The following DMXL1 variants were observed in gnomAD, a reference collection of about 807,000 sequenced individuals.
DMXL1 encodes dmX-like protein 1.
A neutral mutation model predicts 319.2 loss-of-function variants in DMXL1; 99 were observed. That is an observed-to-expected ratio of 0.31 (90% confidence interval 0.26 to 0.37). DMXL1 has a LOEUF of 0.37. Ranked by LOEUF, DMXL1 falls within the 10% of genes least tolerant of loss-of-function variation. The probability of loss-of-function intolerance (pLI) is 1.00; values close to 1 mark genes in which losing one functional copy is unlikely to be tolerated. For missense variants in DMXL1, 3,745 were observed against 3,595.6 expected, an observed-to-expected ratio of 1.04 and a Z score of -1.06; for synonymous variants, 1,385 against 1,235.2, an observed-to-expected ratio of 1.12 and a Z score of -2.54.
chr5:119,090,058 T>A (rs1754407429), intron 1 of DMXL1, among the ~76,000 whole-genome samples: 1 of 130,708 alleles, frequency 7.7e-6, no homozygotes, highest in African/African-American at 2.7e-5. Context: ...TTCGCTCTTG[T>A]CGCCCATGCT....
chr5:119,210,251 A>G (rs1019799848), intron 34 of DMXL1, among the ~76,000 whole-genome samples: 30 of 152,166 alleles, frequency 2.0e-4, no homozygotes, highest in Admixed American at 1.4e-3. Flanking sequence ...GCAGCCGGCC[A>G]CAAGTTCTTT....
At chr5:119,075,921 AAAG>A (rs1448827528) in intron 1 of DMXL1, among the ~76,000 whole-genome samples, 1 of 152,216 alleles carries the variant, frequency 6.6e-6, no homozygotes, top group African/African-American at 2.4e-5. Flanking sequence ...AACAAGTTAA[AAAG>A]AAGACTAGTT....
At chr5:119,095,464 T>C (rs1031855995) in intron 1 of DMXL1, among the ~76,000 whole-genome samples, 4 of 152,216 alleles carry the variant, frequency 2.6e-5, no homozygotes, top group African/African-American at 9.6e-5. Context: ...AGACTTGATG[T>C]GGGAAAATTT....
intron 6 of DMXL1, among the ~76,000 whole-genome samples, chr5:119,114,794 A>T (rs754637244): frequency 6.6e-6 from 1 of 152,022 alleles, no homozygotes; most frequent in East Asian, 1.9e-4. Flanking sequence ...TCAGCCTCTC[A>T]AGTAGCTGGG....
At position 119,204,692 on chromosome 5, in the gene DMXL1, TGTA is replaced by T. The variant is rs1016423474; in HGVS notation, c.7863+1259_7863+1261del. Reference sequence around the variant, plus strand: ...GTGAACTGAACAGTAGATGCAGTGATGTAGTCAATTCTTTTTGTCTCCTGGACT... The same window carrying T: ...GTGAACTGAACAGTAGATGCAGTGATGTCAATTCTTTTTGTCTCCTGGACT... On this transcript the variant is annotated intron_variant, in intron 33 of 43. Transcript: ENST00000539542. Among the ~76,000 whole-genome samples the T allele has an allele frequency of 9.1e-4, 139 of 152,284 alleles. 2 individuals are homozygous for T. Among genetic ancestry groups the T allele is most frequent in the Admixed American group, 8.9e-3 (136 of 15,292 alleles).
chr5:119,148,555 C>T (rs866298885), intron 17 of DMXL1, among the ~76,000 whole-genome samples, 184 bp from the exon 18 acceptor site: 29 of 151,944 alleles, frequency 1.9e-4, no homozygotes, highest in Middle Eastern at 3.4e-3. Context: ...TTCTTGCTGC[C>T]CCTTTTTAAC....
intron 28 of DMXL1, among the ~76,000 whole-genome samples, chr5:119,182,600 G>T (rs764211525): frequency 6.6e-6 from 1 of 151,616 alleles, no homozygotes; most frequent in Non-Finnish European, 1.5e-5. Context: ...ATGTATTCTT[G>T]TAGTAACATA....
chr5:119,184,488 T>C (rs1299155462), intron 28 of DMXL1, among the ~76,000 whole-genome samples: 1 of 152,236 alleles, frequency 6.6e-6, no homozygotes, highest in Non-Finnish European at 1.5e-5. Context: ...TTTTCCATTA[T>C]AGTTTTTTTA....
chr5:119,082,936 C>T (rs1752559346), intron 1 of DMXL1, among the ~76,000 whole-genome samples: 2 of 152,322 alleles, frequency 1.3e-5, no homozygotes, highest in South Asian at 4.1e-4. Context: ...GTAGCTCCCA[C>T]ATATGAATGA....
intron 8 of DMXL1, among the ~76,000 whole-genome samples, chr5:119,119,930 G>C (rs1761676182): frequency 6.6e-6 from 1 of 151,886 alleles, no homozygotes; most frequent in Non-Finnish European, 1.5e-5. Flanking sequence ...ACCCAGGATG[G>C]AGTGTAGTGG....
intron 28 of DMXL1, among the ~76,000 whole-genome samples, chr5:119,183,756 G>T (rs980418347): frequency 6.6e-6 from 1 of 152,100 alleles, no homozygotes; most frequent in Non-Finnish European, 1.5e-5. Context: ...ACCACGCCTG[G>T]CCAGGAGTAC....
At chr5:119,142,359 T>C (rs1767571590) in intron 13 of DMXL1, among the ~76,000 whole-genome samples, 1 of 151,806 alleles carries the variant, frequency 6.6e-6, no homozygotes, top group Admixed American at 6.6e-5. Flanking sequence ...AACAGCTCCA[T>C]CAAAAAGTGA....
intron 31 of DMXL1, 143 bp downstream of exon 31, chr5:119,196,599 C>G (rs1779685519): frequency 1.6e-6 from 1 of 621,742 alleles, no homozygotes; most frequent in East Asian, 2.8e-5. Flanking sequence ...TTTAACTAAA[C>G]CAACCATCTG....
chr5:119,220,630 A>C, intron 36 of DMXL1, 37 bp downstream of exon 36: 1 of 1,599,344 alleles, frequency 6.3e-7, no homozygotes, highest in East Asian at 2.2e-5. Flanking sequence ...GTAATGTTGC[A>C]ATATGAGTGA....
intron 34 of DMXL1, among the ~76,000 whole-genome samples, chr5:119,215,950 GCCCGGTGTGGTGGCAGGTGCCTGTAATCC>G: frequency 6.6e-6 from 1 of 151,738 alleles, no homozygotes; most frequent in Non-Finnish European, 1.5e-5. Flanking sequence ...ACAAAACTTA[GCCCGGTGTGGTGGCAGGTGCCTGTAATCC>G]CAGCTACTTG....
chr5:119,203,361 G>T lies in DMXL1; in HGVS notation c.7788G>T (p.Gln2596His). Residue 2596 changes from glutamine to histidine, a missense_variant, in exon 33 of 44, where the codon CAG becomes CAT. By Grantham distance (24) the Gln-to-His change is conservative (BLOSUM62 0). Coordinates refer to ENST00000539542, the MANE Select transcript of DMXL1 (RefSeq NM_001290321.3). ...HLALSVKRLW[Q>H]YLVKQEEIQE... Reference sequence around the variant, plus strand: ...CACTGTCTGTGAAGAGGCTTTGGCAGTATTTGGTGAAGCAGGAAGAAATTC... The same window carrying T: ...CACTGTCTGTGAAGAGGCTTTGGCATTATTTGGTGAAGCAGGAAGAAATTC... 6.2e-7 allele frequency: 1 copy of T among 1,607,084 alleles called. No individual in the cohort carries two copies. The highest frequency in any genetic ancestry group is 8.5e-7 in the Non-Finnish European group (1 of 1,177,200).
At chr5:119,122,443 AC>A (rs1424415570) in intron 9 of DMXL1, among the ~76,000 whole-genome samples, 11 of 127,236 alleles carry the variant, frequency 8.6e-5, no homozygotes, top group African/African-American at 3.1e-4. Flanking sequence ...CGGGGGGCTA[AC>A]CCCCCCCACC....
In DMXL1 at chr5:119,082,632, G is replaced by A. The variant is rs1256501970; in HGVS notation, c.87+10976G>A. On this transcript the variant is annotated intron_variant, in intron 1 of 43. Transcript: ENST00000539542. The stretch of plus-strand genomic sequence containing the variant: ...AGATGTACATGCTTTCAAAGTAAAT[G>A]TGATAATTTAATACATTCATATAAT... 3.9e-5 allele frequency among the ~76,000 whole-genome samples: 6 copies of A among 152,162 alleles called. No homozygotes were observed. The East Asian group carries it at 9.6e-4, about 24-fold the overall frequency.
intron 24 of DMXL1, 143 bp downstream of exon 24, chr5:119,171,423 T>C: frequency 2.5e-6 from 2 of 816,270 alleles, no homozygotes; most frequent in South Asian, 3.9e-5. Context: ...TCCTTCATAT[T>C]ATGAATTATA....
Sources: gnomAD v4.1 joint callset for allele counts (sites outside exome capture counted in the v4.1 genomes callset) on GRCh38, gnomAD v4.1.1 for gene constraint, MANE v1.5 for transcripts, NCBI Gene and HGNC (gene_info 2026-07-23, HGNC 2026-07-21) for gene names.